The following SETBP1 variants were observed in gnomAD, a reference collection of about 807,000 sequenced individuals.
SETBP1 encodes SET-binding protein.
A neutral mutation model predicts 101.0 loss-of-function variants in SETBP1; 9 were observed. The observed-to-expected ratio is 0.09, with a 90% CI of 0.05 to 0.16. The LOEUF (loss-of-function observed/expected upper bound fraction) is 0.16. Ranked by LOEUF, SETBP1 falls within the 10% of genes least tolerant of loss-of-function variation. The pLI is 1.00. For synonymous variants in SETBP1, 818 were observed against 788.5 expected, an observed-to-expected ratio of 1.04 and a Z score of -0.63; for missense variants, 1,858 against 2,033.8, an observed-to-expected ratio of 0.91 and a Z score of 1.66.
chr18:44,914,479 C>A (rs928145497), intron 3 of SETBP1, among the ~76,000 whole-genome samples: 1 of 152,190 alleles, frequency 6.6e-6, no homozygotes, highest in Non-Finnish European at 1.5e-5. Flanking sequence ...GGATCAAAGT[C>A]ACAGTTTCTC....
intron 2 of SETBP1, among the ~76,000 whole-genome samples, chr18:44,744,652 G>A (rs956409707): frequency 2.0e-5 from 3 of 152,158 alleles, no homozygotes; most frequent in African/African-American, 7.2e-5. Flanking sequence ...ACGACTGCTG[G>A]AAGCCGGGCC....
rs1431475461 is a variant in SETBP1 at position 44,743,079 on chromosome 18, CTCTCTCTCCTCT to C, written c.486+41258_486+41269del. 7.9e-5 allele frequency among the ~76,000 whole-genome samples: 12 copies of C among 151,928 alleles called. No individual in the cohort carries two copies. In the South Asian group the frequency reaches 2.5e-3, roughly 32 times the overall value. ...TTATTCTCCACCTTCCTCCCTTTCT[CTCTCTCTCCTCT>C]TCTCTCTCCTAGCCCTGCTTCCCTG... On this transcript the variant is annotated intron_variant, in intron 2 of 5. Transcript: ENST00000649279.
chr18:44,789,076 T>C (rs974083674), intron 2 of SETBP1, among the ~76,000 whole-genome samples: 12 of 152,156 alleles, frequency 7.9e-5, no homozygotes, highest in Admixed American at 7.9e-4. Context: ...GTGTGGGGAT[T>C]ACAAGTGTGA....
chr18:44,742,656 T>C (rs1014709607), intron 2 of SETBP1, among the ~76,000 whole-genome samples: 3 of 152,212 alleles, frequency 2.0e-5, no homozygotes, highest in African/African-American at 7.2e-5. Context: ...CTTTTTTTCC[T>C]GCTCACCAAG....
At chr18:44,801,770 T>G (rs1385096681) in intron 2 of SETBP1, among the ~76,000 whole-genome samples, 3 of 147,354 alleles carry the variant, frequency 2.0e-5, no homozygotes, top group Non-Finnish European at 4.5e-5. Flanking sequence ...AACAAAGACT[T>G]TTTTTTTTTT....
At chr18:44,785,119 A>T (rs992958343) in intron 2 of SETBP1, among the ~76,000 whole-genome samples, 7 of 152,192 alleles carry the variant, frequency 4.6e-5, no homozygotes, top group Non-Finnish European at 8.8e-5. Context: ...AATATTTTTT[A>T]TTGATGATAC....
At chr18:44,763,617 G>C (rs909071293) in intron 2 of SETBP1, among the ~76,000 whole-genome samples, 3 of 152,198 alleles carry the variant, frequency 2.0e-5, no homozygotes, top group Non-Finnish European at 4.4e-5. Context: ...GTCATTTAAA[G>C]CTATGAAACG....
At chr18:44,710,781 A>C (rs956613847) in intron 2 of SETBP1, among the ~76,000 whole-genome samples, 51 of 152,256 alleles carry the variant, frequency 3.3e-4, no homozygotes, top group Non-Finnish European at 4.7e-4. Context: ...ATAAACTAAA[A>C]ATTTGTGTTA....
At chr18:44,927,440 A>C (rs78510411) in intron 3 of SETBP1, among the ~76,000 whole-genome samples, 18,551 of 152,230 alleles carry the variant, frequency 0.12, 1,380 homozygotes, top group East Asian at 0.32. Flanking sequence ...GAAATATACA[A>C]TGTCTAGCTT....
intron 2 of SETBP1, among the ~76,000 whole-genome samples, chr18:44,851,366 A>G (rs1453307991): frequency 6.6e-6 from 1 of 152,208 alleles, no homozygotes; most frequent in Non-Finnish European, 1.5e-5. Flanking sequence ...GGCAGAGTTT[A>G]TAAATAGAGG....
chr18:44,802,453 T>A (rs1215965871), intron 2 of SETBP1, among the ~76,000 whole-genome samples: 3 of 152,176 alleles, frequency 2.0e-5, no homozygotes, highest in Non-Finnish European at 4.4e-5. Context: ...ACAACTTTGC[T>A]TATTTGATCT....
intron 3 of SETBP1, among the ~76,000 whole-genome samples, chr18:44,948,534 A>AGATAGATAGAT (rs1568232402): frequency 2.0e-5 from 3 of 150,146 alleles, no homozygotes; most frequent in Admixed American, 6.7e-5. Context: ...GATAGATGAT[A>AGATAGATAGAT]GATAGATATT....
intron 3 of SETBP1, among the ~76,000 whole-genome samples, chr18:44,902,837 T>C (rs11876514): frequency 0.22 from 32,682 of 151,910 alleles, 3,820 homozygotes; most frequent in East Asian, 0.28. Flanking sequence ...AAAATATGGA[T>C]CTCAAAAATT....
intron 2 of SETBP1, among the ~76,000 whole-genome samples, chr18:44,848,717 A>C: frequency 6.6e-6 from 1 of 152,344 alleles, no homozygotes; most frequent in African/African-American, 2.4e-5. Flanking sequence ...CTGACAATGC[A>C]TAATCTCCGC....
At chr18:44,811,914 T>C (rs186755465) in intron 2 of SETBP1, among the ~76,000 whole-genome samples, 8 of 152,318 alleles carry the variant, frequency 5.3e-5, no homozygotes, top group Admixed American at 5.2e-4. Flanking sequence ...TTTAAAGACC[T>C]GTGTGGCAGC....
At chr18:45,048,357 T>G (rs1177857676) in intron 5 of SETBP1, among the ~76,000 whole-genome samples, 1 of 152,226 alleles carries the variant, frequency 6.6e-6, no homozygotes, top group Admixed American at 6.5e-5. Flanking sequence ...ACTTAACATG[T>G]AAGTATTTTA....
In SETBP1 at chr18:44,953,222, C is replaced by A; in HGVS notation, c.3882C>A (p.Asp1294Glu). 6.2e-7 allele frequency: 1 copy of A among 1,613,962 alleles called. No individual in the cohort carries two copies. Among genetic ancestry groups the A allele is most frequent in the Non-Finnish European group, 8.5e-7 (1 of 1,179,994 alleles). Reference protein sequence around the residue: ...MNPSNDKWDSDVSGSKRRSYE... With the variant: ...MNPSNDKWDSEVSGSKRRSYE... ...CTTCGAATGACAAGTGGGACAGTGACGTGAGTGGGAGTAAAAGGAGGAGCT... is the reference window on the plus strand; with the variant it reads ...CTTCGAATGACAAGTGGGACAGTGAAGTGAGTGGGAGTAAAAGGAGGAGCT... The change falls in exon 4 of 6, where the codon GAC (aspartate) becomes GAA (glutamate). Residue 1294 changes from aspartate (D) to glutamate (E), a missense_variant. Physicochemically the swap from Asp to Glu is conservative, Grantham distance 45 (BLOSUM62 2). Around this residue, in one of 12 missense-constraint regions of SETBP1, gnomAD observed 417 missense variants for 389.1 expected, o/e 1.07. Transcript: ENST00000649279.
intron 4 of SETBP1, among the ~76,000 whole-genome samples, chr18:45,031,578 G>T (rs183397391): frequency 1.4e-4 from 21 of 152,214 alleles, no homozygotes; most frequent in East Asian, 9.6e-4. Context: ...TGGAAAAAAG[G>T]AGTTTAAGAA....
At chr18:44,714,221 A>C (rs555121373) in intron 2 of SETBP1, among the ~76,000 whole-genome samples, 183 of 151,254 alleles carry the variant, frequency 1.2e-3, no homozygotes, top group African/African-American at 4.3e-3. Context: ...TTTTTTGAGA[A>C]GGAGTCTTGC....
Sources: allele counts gnomAD v4.1 joint callset (sites outside exome capture counted in the v4.1 genomes callset), GRCh38; gene constraint gnomAD v4.1.1; regional missense constraint gnomAD v4.1.1; transcripts MANE v1.5; gene names NCBI Gene and HGNC (gene_info 2026-07-23, HGNC 2026-07-21).